Variants in ZNF326 observed in about 807,000 individuals in gnomAD.
ZNF326 encodes zinc finger protein 326, also known as DBIRD complex subunit ZNF326.
Under a neutral mutation model 63.1 loss-of-function variants are expected in ZNF326, and 30 were observed. The ratio of observed to expected loss-of-function variants is 0.48; its 90% CI spans 0.36 to 0.64. ZNF326 has a LOEUF of 0.64. Ranked by LOEUF, ZNF326 falls within the 30% of genes least tolerant of loss-of-function variation. ZNF326 has a pLI of 0.00. For missense variants in ZNF326, 609 were observed against 720.3 expected (o/e 0.85, Z 1.77); for synonymous variants, 194 against 228.2 (o/e 0.85, Z 1.35).
chr1:90,020,712 A>G, intron 9 of ZNF326, 80 bp from the exon 10 acceptor site: 7 of 1,396,402 alleles, frequency 5.0e-6, no homozygotes, highest in Middle Eastern at 4.6e-4. Context: ...ATAAATAATC[A>G]TGGAAATTAA....
At position 90,032,192 on chromosome 1, in the gene ZNF326, G is replaced by A. The variant is rs755819682; in HGVS notation, c.*4491G>A. On this transcript the variant is annotated 3_prime_UTR_variant, in exon 12 of 12. Coordinates refer to ENST00000340281, the MANE Select transcript of ZNF326 (RefSeq NM_182976.4). ...TTTCCCAGTCCTCTAATTCCCAGAG[G>A]TCTGTTGTGAATTCTAATGCTTTCA... is the stretch of plus-strand genomic sequence containing the variant. The A allele has an allele frequency of 3.3e-5, 5 of 152,164 alleles. No individual in the cohort carries two copies. The highest frequency in any genetic ancestry group is 4.1e-4 in the South Asian group (2 of 4,830). 9.4% of individuals were successfully genotyped at this position (152,164 alleles called of 1,614,324 possible). A position where few individuals can be genotyped will look rare whatever the true frequency, so the allele number is the denominator to read the frequency against.
chr1:90,024,382 C>T (rs562958811), intron 11 of ZNF326, among the ~76,000 whole-genome samples: 10 of 152,112 alleles, frequency 6.6e-5, no homozygotes, highest in Non-Finnish European at 1.2e-4. Context: ...GGAATGTTGC[C>T]GCTCTCAAAT....
In ZNF326 at chr1:90,007,297, A is replaced by G; in HGVS notation, c.210-48A>G. ...TAATTTGTCTTTTGAATTGTCTAAC[A>G]TTAGTAAGCTTACTTTTGTTTTTTC... On this transcript the variant is annotated intron_variant, in intron 4 of 11. Transcript: ENST00000340281. This position sits in a 1 kb window ranked among gnomAD's most constrained non-coding sequence, Gnocchi z 4.9. 2 of 1,524,366 alleles carry G rather than the reference A, an allele frequency of 1.3e-6. No homozygotes were observed. Among genetic ancestry groups the G allele is most frequent in the South Asian group, 2.5e-5 (2 of 79,022 alleles). 94.4% of individuals were successfully genotyped at this position (1,524,366 alleles called of 1,614,324 possible). A position where few individuals can be genotyped will look rare whatever the true frequency, so the allele number is the denominator to read the frequency against.
chr1:90,005,056 A>G lies in ZNF326; in HGVS notation c.97+18A>G, dbSNP rs191505447. On this transcript the variant is annotated intron_variant, in intron 3 of 11. Transcript: ENST00000340281. ...TTATGGAGGTCTGACATTCAAGGAT[A>G]TTTATCTAAAAATTCTTCTTTTGAG... The G allele has an allele frequency of 1.7e-4, 279 of 1,613,948 alleles. No individual in the cohort carries two copies. The African/African-American group carries it at 3.4e-3, about 20-fold the overall frequency.
intron 4 of ZNF326, 123 bp downstream of exon 4, chr1:90,005,367 C>A: frequency 1.4e-6 from 2 of 1,431,720 alleles, no homozygotes; most frequent in Non-Finnish European, 1.8e-6. Context: ...GAATCATCAC[C>A]TTAAATATTT....
rs1456031282 is a variant in ZNF326 at position 90,007,795 on chromosome 1, T to C, written c.615+45T>C. The C allele has an allele frequency of 6.9e-7, 1 of 1,452,180 alleles. No individual in the cohort carries two copies. The highest frequency in any genetic ancestry group is 9.1e-7 in the Non-Finnish European group (1 of 1,096,546). The allele number at this position is 1,452,180 out of a possible 1,614,324, so 90.0% of individuals were successfully genotyped here. A position where few individuals can be genotyped will look rare whatever the true frequency, so the allele number is the denominator to read the frequency against. On this transcript the variant is annotated intron_variant, in intron 5 of 11. Coordinates refer to ENST00000340281, the MANE Select transcript of ZNF326 (RefSeq NM_182976.4). This position sits in a 1 kb window ranked among gnomAD's most constrained non-coding sequence, Gnocchi z 4.9. The stretch of plus-strand genomic sequence containing the variant: ...TTCAGATTCTTTTCACTAGTCACTC[T>C]TTTAAACCCTTTCAAGACCATCGTT...
intron 4 of ZNF326, chr1:90,005,572 T>C (rs989076981): frequency 3.3e-6 from 3 of 908,688 alleles, no homozygotes; most frequent in African/African-American, 3.6e-5. Flanking sequence ...AAAAATGTTA[T>C]TGAAAATATT....
At position 90,028,697 on chromosome 1, in the gene ZNF326, G is replaced by T. The variant is rs1359023193; in HGVS notation, c.*996G>T. 5 of 152,102 alleles carry T rather than the reference G, an allele frequency of 3.3e-5. No individual in the cohort carries two copies. Among genetic ancestry groups the T allele is most frequent in the African/African-American group, 1.2e-4 (5 of 41,412 alleles). 9.4% of individuals were successfully genotyped at this position (152,102 alleles called of 1,614,324 possible). A position where few individuals can be genotyped will look rare whatever the true frequency, so the allele number is the denominator to read the frequency against. ...ACCTACATATTTAAAAAGAGAACAT[G>T]AGCTTGATAGAGGATCTATTCTTAA... is the stretch of plus-strand genomic sequence containing the variant. On this transcript the variant is annotated 3_prime_UTR_variant, in exon 12 of 12. Transcript: ENST00000340281.
rs952144362 is a variant in ZNF326, at chr1:90,033,945, A to G, written c.*6244A>G. Reference sequence around the variant, plus strand: ...AGTGAAAAAAGAAGTGAAGAATAGGAAAAAAAAAAAAATCTTCTGATGAAA... The same window carrying G: ...AGTGAAAAAAGAAGTGAAGAATAGGGAAAAAAAAAAAATCTTCTGATGAAA... On this transcript the variant is annotated 3_prime_UTR_variant, in exon 12 of 12. Transcript: ENST00000340281. 3 of 109,160 alleles carry G rather than the reference A, an allele frequency of 2.7e-5. No individual in the cohort carries two copies. Among genetic ancestry groups the G allele is most frequent in the African/African-American group, 2.1e-4 (3 of 14,120 alleles). The allele number at this position is 109,160 out of a possible 1,614,324, so 6.8% of individuals were successfully genotyped here.
rs1048313308 is a variant in ZNF326, at chr1:90,032,378, G to A, written c.*4677G>A. ...TATGAAATAGCATGGAGTGTGGAAG[G>A]GTACTATGGGTAGCTTATTTATTAG... is the stretch of plus-strand genomic sequence containing the variant. On this transcript the variant is annotated 3_prime_UTR_variant, in exon 12 of 12. Transcript: ENST00000340281. The A allele has an allele frequency of 2.0e-5, 3 of 152,158 alleles. No individual in the cohort carries two copies. Among genetic ancestry groups the A allele is most frequent in the African/African-American group, 7.3e-5 (3 of 41,368 alleles). 9.4% of individuals were successfully genotyped at this position (152,158 alleles called of 1,614,324 possible).
At chr1:90,020,264 CT>C (rs1300552580) in intron 9 of ZNF326, among the ~76,000 whole-genome samples, 1 of 151,880 alleles carries the variant, frequency 6.6e-6, no homozygotes, top group Non-Finnish European at 1.5e-5. Context: ...CTATTTTCAT[CT>C]TTAGTCTCTT....
In ZNF326 at chr1:90,027,741, T is replaced by C; in HGVS notation, c.*40T>C. The stretch of plus-strand genomic sequence containing the variant: ...ATTTAAAAGGAGCTTTACATTTCGG[T>C]TCTAATGTAAAAAAGGGTAAGAAAT... On this transcript the variant is annotated 3_prime_UTR_variant, in exon 12 of 12. Coordinates refer to ENST00000340281, the MANE Select transcript of ZNF326 (RefSeq NM_182976.4). 1 of 1,591,450 alleles carries C rather than the reference T, an allele frequency of 6.3e-7. No individual in the cohort carries two copies. Among genetic ancestry groups the C allele is most frequent in the Non-Finnish European group, 8.6e-7 (1 of 1,163,834 alleles).
At position 90,010,387 on chromosome 1, in the gene ZNF326, TAAC is replaced by T. The variant is rs561176722; in HGVS notation, c.814+104_814+106del. ...TTCATGTTTATATACAGAAACTACA[TAAC>T]AATTATGATTGTAGAAGTTAGATCT... On this transcript the variant is annotated intron_variant, in intron 6 of 11. Coordinates refer to ENST00000340281, the MANE Select transcript of ZNF326 (RefSeq NM_182976.4). 1,285 of 1,237,602 alleles carry T rather than the reference TAAC, an allele frequency of 1.0e-3. 8 individuals carry two copies. In the African/African-American group the frequency reaches 0.017, roughly 16 times the overall value. The allele number at this position is 1,237,602 out of a possible 1,614,324, so 76.7% of individuals were successfully genotyped here.
chr1:90,026,213 TC>T (rs1650010080), intron 11 of ZNF326, among the ~76,000 whole-genome samples: 3 of 152,308 alleles, frequency 2.0e-5, no homozygotes, highest in African/African-American at 7.2e-5. Context: ...TCCACCCGCC[TC>T]AGCCTTGCAG....
rs56009933 is a variant in ZNF326 at position 90,024,997 on chromosome 1, T to TC, written c.1402-2356dup. ...TTTTTCCTGTTTTTTTTTTTTTTTT[T>TC]CTAATCTTCCTCAAATAGACATGCT... On this transcript the variant is annotated intron_variant, in intron 11 of 11. Coordinates refer to ENST00000340281, the MANE Select transcript of ZNF326 (RefSeq NM_182976.4). Among the ~76,000 whole-genome samples the TC allele has an allele frequency of 1.2e-4, 18 of 148,116 alleles. No individual in the cohort carries two copies. The East Asian group carries it at 1.9e-3, about 16-fold the overall frequency.
At chr1:90,017,538 C>A in intron 8 of ZNF326, 74 bp downstream of exon 8, 2 of 1,325,308 alleles carry the variant, frequency 1.5e-6, no homozygotes, top group Non-Finnish European at 2.1e-6. Context: ...TCACTCTCCC[C>A]ATCTCTCACA....
rs1049919868 is a variant in ZNF326, at chr1:90,024,529, G to A, written c.1401+2184G>A. Among the ~76,000 whole-genome samples, 6 of 152,138 alleles carry A rather than the reference G, an allele frequency of 3.9e-5. No individual in the cohort carries two copies. The East Asian group carries it at 1.2e-3, about 29-fold the overall frequency. Reference sequence around the variant, plus strand: ...TTTACTTATTAACTACCAGTGTAATGTGTTTCCTGTAGTGACTCTTCCAAC... The same window carrying A: ...TTTACTTATTAACTACCAGTGTAATATGTTTCCTGTAGTGACTCTTCCAAC... On this transcript the variant is annotated intron_variant, in intron 11 of 11. Transcript: ENST00000340281.
intron 9 of ZNF326, 93 bp downstream of exon 9, chr1:90,018,877 T>C (rs778635665): frequency 9.0e-6 from 6 of 668,506 alleles, no homozygotes; most frequent in South Asian, 4.6e-5. Context: ...TAGAGTGATA[T>C]AGTACAGTCA....
At position 90,013,226 on chromosome 1, in the gene ZNF326, A is replaced by G. The variant is rs932837705; in HGVS notation, c.915A>G (p.Gly305=). The G allele has an allele frequency of 2.1e-5, 34 of 1,606,584 alleles. No homozygotes were observed. The highest frequency in any genetic ancestry group is 2.9e-5 in the Non-Finnish European group (34 of 1,176,674). Residue 305 remains glycine, a synonymous_variant, in exon 7 of 12, where the codon GGA becomes GGG. Coordinates refer to ENST00000340281, the MANE Select transcript of ZNF326 (RefSeq NM_182976.4). Reference sequence around the variant, plus strand: ...GAGAAAAAAACAGTGAGAAATACGGAGATGGATACAGGTTTGTACTTAGAG... The same window carrying G: ...GAGAAAAAAACAGTGAGAAATACGGGGATGGATACAGGTTTGTACTTAGAG... ...RRREKNSEKY[G]DGYRMAFTCS...
Sources: gnomAD v4.1 joint callset for allele counts (sites outside exome capture counted in the v4.1 genomes callset) on GRCh38, gnomAD v4.1.1 for gene constraint, Gnocchi (gnomAD v3.1) non-coding constraint, MANE v1.5 for transcripts, NCBI Gene and HGNC (gene_info 2026-07-23, HGNC 2026-07-21) for gene names.